PACRG: variants seen among roughly 807,000 people sequenced by gnomAD.
PACRG encodes parkin coregulated.
In PACRG, 29 loss-of-function variants were observed where a neutral mutation model predicts 29.7. That is an observed-to-expected ratio of 0.98 (90% CI 0.73 to 1.33). The LOEUF is 1.33. Among genes scored for constraint, PACRG ranks in the 40% most tolerant of loss-of-function variants. The pLI is 0.00. For synonymous variants in PACRG, 116 were observed against 118.7 expected (o/e 0.98, Z 0.15); for missense variants, 279 against 316.2 (o/e 0.88, Z 0.89).
At chr6:162,818,720 TA>T (rs1336753356) in intron 2 of PACRG, among the ~76,000 whole-genome samples, 1 of 152,200 alleles carries the variant, frequency 6.6e-6, no homozygotes, top group African/African-American at 2.4e-5. Flanking sequence ...ATGTAGTAGA[TA>T]TTGATACAGG....
intron 2 of PACRG, among the ~76,000 whole-genome samples, chr6:162,842,463 A>T (rs1006065869): frequency 6.6e-6 from 1 of 151,832 alleles, no homozygotes; most frequent in Non-Finnish European, 1.5e-5. Flanking sequence ...ATCTTCCTCC[A>T]TCCTTTTATT....
chr6:163,258,083 T>C (rs1783185510), intron 4 of PACRG, among the ~76,000 whole-genome samples: 2 of 152,196 alleles, frequency 1.3e-5, no homozygotes, highest in Admixed American at 1.3e-4. Context: ...TTCAGAACAC[T>C]ATTAAGGAAT....
intron 1 of PACRG, among the ~76,000 whole-genome samples, chr6:162,741,263 G>A (rs1780571432): frequency 6.6e-6 from 1 of 152,156 alleles, no homozygotes; most frequent in Non-Finnish European, 1.5e-5. Flanking sequence ...TGCTAGGGTA[G>A]TTAGTGTCTT....
In PACRG at chr6:163,241,832, C is replaced by T. The variant is rs148654921; in HGVS notation, c.614-72995C>T. ...CCATGGTAAACCCAAAGGGGGGGCA[C>T]GGGCTGGGGATGGAACAGATGAATC... is the stretch of plus-strand genomic sequence containing the variant. On this transcript the variant is annotated intron_variant, in intron 4 of 4. Transcript: ENST00000366888. Among the ~76,000 whole-genome samples the T allele has an allele frequency of 3.5e-4, 53 of 152,234 alleles. 1 individual carries two copies. In the East Asian group the frequency reaches 8.7e-3, roughly 25 times the overall value.
At chr6:163,081,057 C>A (rs187269501) in intron 3 of PACRG, among the ~76,000 whole-genome samples, 3 of 152,034 alleles carry the variant, frequency 2.0e-5, no homozygotes, top group African/African-American at 7.2e-5. Context: ...CAATTGAGCT[C>A]TGTTATGGAA....
chr6:162,832,430 G>C (rs1788861822), intron 2 of PACRG, among the ~76,000 whole-genome samples: 1 of 151,964 alleles, frequency 6.6e-6, no homozygotes, highest in South Asian at 2.1e-4. Flanking sequence ...CCTTATCAGT[G>C]CTCCAATCTG....
rs141818721 is a variant in PACRG at position 162,765,605 on chromosome 6, AC to A, written c.156+37216del. ...TCGTAAGTGATGGTAACATAGTGGT[AC>A]CAGTTTGGATGTATTTTAGATTTTT... is the stretch of plus-strand genomic sequence containing the variant. On this transcript the variant is annotated intron_variant, in intron 1 of 4. Transcript: ENST00000366888. Among the ~76,000 whole-genome samples the A allele has an allele frequency of 3.0e-3, 463 of 152,292 alleles. 2 individuals carry two copies. The highest frequency in any genetic ancestry group is 3.7e-3 in the Non-Finnish European group (253 of 68,028).
chr6:163,173,579 G>A lies in PACRG; in HGVS notation c.613+84171G>A, dbSNP rs77225190. Among the ~76,000 whole-genome samples, 748 of 152,302 alleles carry A rather than the reference G, an allele frequency of 4.9e-3. 25 individuals carry two copies. The highest frequency in any genetic ancestry group is 0.038 in the Admixed American group (575 of 15,302). ...TTGAGCCCTGCAGTAAGGTGGGCTC[G>A]TCCTCACTGATGAGAGAATCACGCT... On this transcript the variant is annotated intron_variant, in intron 4 of 4. Coordinates refer to ENST00000366888, the MANE Select transcript of PACRG (RefSeq NM_001080379.2).
intron 2 of PACRG, among the ~76,000 whole-genome samples, chr6:162,957,078 T>A (rs1222159110): frequency 6.6e-6 from 1 of 151,876 alleles, no homozygotes; most frequent in African/African-American, 2.4e-5. Flanking sequence ...ACTAGTGATT[T>A]AGAGGTAGGC....
At chr6:163,270,098 G>A (rs1783768815) in intron 4 of PACRG, among the ~76,000 whole-genome samples, 1 of 151,222 alleles carries the variant, frequency 6.6e-6, no homozygotes, top group Non-Finnish European at 1.5e-5. Context: ...TAAAACAACA[G>A]TAATTAAAAA....
chr6:162,816,881 G>T (rs1787398775), intron 2 of PACRG, among the ~76,000 whole-genome samples: 1 of 152,160 alleles, frequency 6.6e-6, no homozygotes, highest in Non-Finnish European at 1.5e-5. Context: ...TCTCTTGTGT[G>T]TGGGCAGAGC....
intron 4 of PACRG, among the ~76,000 whole-genome samples, chr6:163,238,278 A>C (rs1782328285): frequency 6.6e-6 from 1 of 152,242 alleles, no homozygotes; most frequent in African/African-American, 2.4e-5. Flanking sequence ...GATATAATGG[A>C]ATAAAAGAGG....
At chr6:162,951,978 T>A (rs1473545689) in intron 2 of PACRG, among the ~76,000 whole-genome samples, 1 of 152,154 alleles carries the variant, frequency 6.6e-6, no homozygotes, top group Non-Finnish European at 1.5e-5. Context: ...TGCTGCTGAA[T>A]CTTAGGAGAG....
At chr6:162,910,531 A>C (rs1796233085) in intron 2 of PACRG, among the ~76,000 whole-genome samples, 1 of 152,228 alleles carries the variant, frequency 6.6e-6, no homozygotes, top group Admixed American at 6.5e-5. Context: ...GTTGAGAAAT[A>C]AATGCCAACA....
intron 1 of PACRG, among the ~76,000 whole-genome samples, chr6:162,784,551 G>A (rs765758697): frequency 4.6e-5 from 7 of 152,042 alleles, no homozygotes; most frequent in Non-Finnish European, 2.9e-5. Flanking sequence ...TTGTTTTATT[G>A]TTGTTTGTCA....
At chr6:163,062,053 C>G (rs907542937) in intron 2 of PACRG, 97 bp from the exon 3 acceptor site, 18 of 1,215,124 alleles carry the variant, frequency 1.5e-5, no homozygotes, top group Non-Finnish European at 2.1e-5. Flanking sequence ...TTCTAAAGAG[C>G]GTGCCCCTCT....
intron 2 of PACRG, among the ~76,000 whole-genome samples, chr6:162,998,176 C>A (rs1340409844): frequency 7.2e-5 from 11 of 152,186 alleles, no homozygotes; most frequent in African/African-American, 2.4e-4. Flanking sequence ...ATTATTGCAA[C>A]CTCCCACCCA....
At chr6:163,035,562 C>T (rs1808091498) in intron 2 of PACRG, among the ~76,000 whole-genome samples, 1 of 152,134 alleles carries the variant, frequency 6.6e-6, no homozygotes, top group South Asian at 2.1e-4. Context: ...AGGAGAATCA[C>T]TTGAACTTGG....
intron 2 of PACRG, among the ~76,000 whole-genome samples, chr6:162,933,742 A>G (rs987009697): frequency 3.3e-5 from 5 of 151,406 alleles, no homozygotes; most frequent in Admixed American, 6.6e-5. Context: ...TTAAAGAAAT[A>G]TCCAAGGCTG....
Sources: gnomAD v4.1 joint callset for allele counts (sites outside exome capture counted in the v4.1 genomes callset) on GRCh38, gnomAD v4.1.1 for gene constraint, MANE v1.5 for transcripts, NCBI Gene and HGNC (gene_info 2026-07-23, HGNC 2026-07-21) for gene names.